The following PTPRR variants were observed in gnomAD, a reference collection of about 807,000 sequenced individuals.
PTPRR encodes receptor-type tyrosine-protein phosphatase R.
In PTPRR, 38 loss-of-function variants were observed where a neutral mutation model predicts 77.2. The observed-to-expected ratio is 0.49, with a 90% CI of 0.38 to 0.65. The LOEUF (loss-of-function observed/expected upper bound fraction) is 0.65. Ranked by LOEUF, PTPRR falls within the 30% of genes least tolerant of loss-of-function variation. The pLI is 0.00. For synonymous variants in PTPRR, 299 were observed against 283.1 expected (o/e 1.06, Z -0.57); for missense variants, 744 against 799.2 (o/e 0.93, Z 0.83).
At chr12:70,899,296 A>T (rs1259722296) in intron 1 of PTPRR, among the ~76,000 whole-genome samples, 1 of 151,478 alleles carries the variant, frequency 6.6e-6, no homozygotes, top group African/African-American at 2.4e-5. Context: ...AATATTGCTC[A>T]TGAACACAAA....
chr12:70,778,388 C>T (rs1891134355), intron 2 of PTPRR, among the ~76,000 whole-genome samples: 1 of 152,070 alleles, frequency 6.6e-6, no homozygotes, highest in Non-Finnish European at 1.5e-5. Context: ...TTGATAGTGC[C>T]TGTAATGTGG....
intron 10 of PTPRR, among the ~76,000 whole-genome samples, chr12:70,674,152 C>T (rs1408304033): frequency 6.6e-6 from 1 of 152,110 alleles, no homozygotes. Flanking sequence ...CTAGGCTGGT[C>T]TCAAACTCCT....
chr12:70,776,636 AT>A (rs140620478), intron 2 of PTPRR, among the ~76,000 whole-genome samples: 304 of 151,958 alleles, frequency 2.0e-3, no homozygotes, highest in Non-Finnish European at 3.6e-3. Context: ...TCCTTTTCAC[AT>A]TGTTAGCGCA....
At chr12:70,866,609 A>G (rs933373817) in intron 2 of PTPRR, among the ~76,000 whole-genome samples, 3 of 152,234 alleles carry the variant, frequency 2.0e-5, no homozygotes, top group Non-Finnish European at 4.4e-5. Flanking sequence ...AGGTACAAGG[A>G]GGAACTGGTA....
intron 6 of PTPRR, among the ~76,000 whole-genome samples, chr12:70,733,817 G>A (rs1398374502): frequency 6.6e-6 from 1 of 152,124 alleles, no homozygotes; most frequent in Non-Finnish European, 1.5e-5. Context: ...TGTTCAAGTC[G>A]CCTGCCATGA....
intron 1 of PTPRR, among the ~76,000 whole-genome samples, chr12:70,920,078 AC>A (rs1443435768): frequency 1.3e-5 from 2 of 152,194 alleles, no homozygotes. Context: ...GGGGGAGCAA[AC>A]CTGTATTCAT....
At chr12:70,809,952 G>A (rs577955714) in intron 2 of PTPRR, among the ~76,000 whole-genome samples, 86 of 152,246 alleles carry the variant, frequency 5.6e-4, no homozygotes, top group Admixed American at 3.0e-3. Context: ...ATGTTGCTGA[G>A]CCAGTTTCCA....
intron 13 of PTPRR, among the ~76,000 whole-genome samples, chr12:70,650,029 G>T (rs1318552267): frequency 6.6e-6 from 1 of 152,180 alleles, no homozygotes; most frequent in Non-Finnish European, 1.5e-5. Context: ...TTCATCTGTG[G>T]TCAAATAAAT....
intron 10 of PTPRR, among the ~76,000 whole-genome samples, chr12:70,667,970 C>T (rs1372849230): frequency 6.6e-6 from 1 of 152,076 alleles, no homozygotes; most frequent in Non-Finnish European, 1.5e-5. Context: ...TAATCCTAGT[C>T]CACACTTTCA....
intron 2 of PTPRR, among the ~76,000 whole-genome samples, chr12:70,883,990 G>A (rs2137107510): frequency 6.6e-6 from 1 of 152,292 alleles, no homozygotes; most frequent in African/African-American, 2.4e-5. Context: ...TAACAGCCAT[G>A]CATGGGTCTG....
chr12:70,853,891 T>C (rs966227057), intron 2 of PTPRR, among the ~76,000 whole-genome samples: 2 of 152,230 alleles, frequency 1.3e-5, no homozygotes, highest in African/African-American at 4.8e-5. Flanking sequence ...GTTTCTACCT[T>C]ACTCTTACTG....
chr12:70,810,276 C>T (rs947920783), intron 2 of PTPRR, among the ~76,000 whole-genome samples: 1 of 152,186 alleles, frequency 6.6e-6, no homozygotes, highest in Non-Finnish European at 1.5e-5. Context: ...ATTCAAAGCA[C>T]ATACAGTCCC....
In PTPRR at chr12:70,687,313, A is replaced by G. The variant is rs370297637; in HGVS notation, c.1280-2530T>C. Among the ~76,000 whole-genome samples the G allele has an allele frequency of 1.7e-4, 25 of 149,652 alleles. 1 individual carries two copies. The East Asian group carries it at 4.1e-3, about 24-fold the overall frequency. On this transcript the variant is annotated intron_variant, in intron 8 of 13. Coordinates refer to ENST00000283228, the MANE Select transcript of PTPRR (RefSeq NM_002849.4). ...TCACTAGGATATTTGAAATAAAGAT[A>G]TTTTATATATATGTTATATATATAA...
intron 2 of PTPRR, among the ~76,000 whole-genome samples, chr12:70,807,361 T>A (rs1187419837): frequency 2.0e-5 from 3 of 152,348 alleles, no homozygotes; most frequent in African/African-American, 7.2e-5. Context: ...AAATGTAATC[T>A]ACTTGCCCAC....
chr12:70,810,886 G>A (rs920221267), intron 2 of PTPRR, among the ~76,000 whole-genome samples: 4 of 152,086 alleles, frequency 2.6e-5, no homozygotes, highest in East Asian at 1.9e-4. Context: ...ATTGAAATGC[G>A]CTATGGCAAT....
chr12:70,791,472 C>T, intron 2 of PTPRR, among the ~76,000 whole-genome samples: 1 of 152,144 alleles, frequency 6.6e-6, no homozygotes, highest in East Asian at 1.9e-4. Context: ...TCACCGTCTG[C>T]CTGCTTACCT....
intron 2 of PTPRR, among the ~76,000 whole-genome samples, chr12:70,839,135 G>T (rs1892352742): frequency 6.6e-6 from 1 of 152,018 alleles, no homozygotes; most frequent in Admixed American, 6.6e-5. Context: ...TGTGGAAAAG[G>T]GTTATTCCCT....
chr12:70,714,855 T>C (rs955618758), intron 6 of PTPRR, among the ~76,000 whole-genome samples: 1 of 151,912 alleles, frequency 6.6e-6, no homozygotes, highest in African/African-American at 2.4e-5. Context: ...CATGGTGGTG[T>C]GTTCCTGTAG....
At chr12:70,679,402 C>T (rs1887571692) in intron 10 of PTPRR, among the ~76,000 whole-genome samples, 1 of 152,064 alleles carries the variant, frequency 6.6e-6, no homozygotes, top group Admixed American at 6.6e-5. Flanking sequence ...TCTGTTAGGT[C>T]CAATTGGTCT....
Sources: allele counts gnomAD v4.1 joint callset (sites outside exome capture counted in the v4.1 genomes callset), GRCh38; gene constraint gnomAD v4.1.1; transcripts MANE v1.5; gene names NCBI Gene and HGNC (gene_info 2026-07-23, HGNC 2026-07-21).